ESRRG: variants seen among roughly 807,000 people sequenced by gnomAD.
The protein encoded by ESRRG is estrogen-related receptor gamma.
Under a neutral mutation model 44.0 loss-of-function variants are expected in ESRRG, and 13 were observed. That is an observed-to-expected ratio of 0.30 (90% CI 0.19 to 0.47). The LOEUF (loss-of-function observed/expected upper bound fraction) is 0.47. Ranked by LOEUF, ESRRG falls within the 20% of genes least tolerant of loss-of-function variation. The pLI, the probability that ESRRG is intolerant of heterozygous loss-of-function variation, is 1.00. For missense variants in ESRRG, 395 were observed against 580.6 expected, an observed-to-expected ratio of 0.68 and a Z score of 3.29; for synonymous variants, 215 against 214.6, an observed-to-expected ratio of 1.00 and a Z score of -0.02.
intron 1 of ESRRG, among the ~76,000 whole-genome samples, chr1:216,680,946 A>G (rs2076936614): frequency 6.6e-6 from 1 of 152,322 alleles, no homozygotes; most frequent in African/African-American, 2.4e-5. Context: ...TGTCAGAAAG[A>G]GCCATTTTCA....
chr1:217,116,040 A>T (rs1404004851), intron 1 of ESRRG, among the ~76,000 whole-genome samples: 3 of 152,220 alleles, frequency 2.0e-5, no homozygotes, highest in Non-Finnish European at 4.4e-5. Flanking sequence ...AATTTTTATC[A>T]TAAGTAGATG....
intron 2 of ESRRG, among the ~76,000 whole-genome samples, chr1:216,814,529 A>G (rs758466259): frequency 6.6e-6 from 1 of 151,702 alleles, no homozygotes; most frequent in Non-Finnish European, 1.5e-5. Context: ...TAGAAGCAGC[A>G]TAAAGATTTC....
intron 1 of ESRRG, among the ~76,000 whole-genome samples, chr1:217,015,887 G>C (rs1258374955): frequency 2.0e-5 from 3 of 151,888 alleles, no homozygotes; most frequent in Non-Finnish European, 2.9e-5. Flanking sequence ...ATGCCACCAC[G>C]CCCGGCTATT....
chr1:216,900,093 A>C (rs1382683583), intron 2 of ESRRG, among the ~76,000 whole-genome samples: 1 of 152,124 alleles, frequency 6.6e-6, no homozygotes, highest in Non-Finnish European at 1.5e-5. Context: ...AAGAAATCCA[A>C]ATTAGTGATT....
intron 1 of ESRRG, among the ~76,000 whole-genome samples, chr1:217,126,987 A>C (rs2092900392): frequency 6.6e-6 from 1 of 152,244 alleles, no homozygotes. Flanking sequence ...CCTTTTGTGC[A>C]TAAAATAAGG....
At chr1:217,042,126 T>C (rs2083964897) in intron 1 of ESRRG, among the ~76,000 whole-genome samples, 1 of 152,224 alleles carries the variant, frequency 6.6e-6, no homozygotes, top group Admixed American at 6.5e-5. Context: ...TCTGCTTTGA[T>C]AAAATGTAGA....
At position 216,728,590 on chromosome 1, in the gene ESRRG, A is replaced by G. The variant is rs17041488; in HGVS notation, c.-13-51099T>C. Among the ~76,000 whole-genome samples the G allele has an allele frequency of 2.1e-3, 326 of 152,178 alleles. 9 individuals are homozygous for G. The East Asian group carries it at 0.059, about 27-fold the overall frequency. On this transcript the variant is annotated intron_variant, in intron 2 of 7. Coordinates refer to the ESRRG transcript ENST00000359162. ...CAGAATAAGCAATCCATGCTTTGATACCAGTAAAATGATCAAATTACCTAT... is the reference window on the plus strand; with the variant it reads ...CAGAATAAGCAATCCATGCTTTGATGCCAGTAAAATGATCAAATTACCTAT...
At chr1:216,674,412 A>G (rs1278913380) in intron 2 of ESRRG, among the ~76,000 whole-genome samples, 1 of 152,216 alleles carries the variant, frequency 6.6e-6, no homozygotes, top group Non-Finnish European at 1.5e-5. Context: ...TTTTGTAAGA[A>G]AATATCAATA....
intron 2 of ESRRG, among the ~76,000 whole-genome samples, chr1:216,838,233 C>T (rs890119662): frequency 9.9e-5 from 15 of 152,214 alleles, no homozygotes; most frequent in African/African-American, 3.6e-4. Context: ...TCCTATCATA[C>T]ATTCTCAATA....
At chr1:216,539,146 G>A (rs188568524) in intron 5 of ESRRG, among the ~76,000 whole-genome samples, 4 of 151,988 alleles carry the variant, frequency 2.6e-5, no homozygotes, top group Non-Finnish European at 5.9e-5. Flanking sequence ...TCAGATCTTT[G>A]GAGGGATTGC....
At chr1:217,016,341 T>A (rs1223342026) in intron 1 of ESRRG, among the ~76,000 whole-genome samples, 1 of 152,110 alleles carries the variant, frequency 6.6e-6, no homozygotes, top group Non-Finnish European at 1.5e-5. Context: ...TGAGCTAGAA[T>A]TTGGCTCTCA....
Position 216,551,890 on chromosome 1 carries a change from T to C in ESRRG, c.862+12329A>G, listed in dbSNP as rs1225398354. Among the ~76,000 whole-genome samples the C allele has an allele frequency of 3.9e-5, 6 of 152,312 alleles. No individual in the cohort carries two copies. The East Asian group carries it at 1.2e-3, about 29-fold the overall frequency. Reference sequence around the variant, plus strand: ...TCTGCATCAAGATCCTTGGCAGTTGTTCCATCAACCAAACTCTCGGCCACT... The same window carrying C: ...TCTGCATCAAGATCCTTGGCAGTTGCTCCATCAACCAAACTCTCGGCCACT... On this transcript the variant is annotated intron_variant, in intron 5 of 6. Transcript: ENST00000408911.
rs571457003 is a variant in ESRRG, at chr1:216,695,179, C to A, written c.57-17688G>T. Among the ~76,000 whole-genome samples, 18 of 151,978 alleles carry A rather than the reference C, an allele frequency of 1.2e-4. No homozygotes were observed. The East Asian group carries it at 3.5e-3, about 29-fold the overall frequency. ...ATAATAATTAGTCAAGCTACAATTTCTTTGACAAAGTACGATTTTTAATAT... is the reference window on the plus strand; with the variant it reads ...ATAATAATTAGTCAAGCTACAATTTATTTGACAAAGTACGATTTTTAATAT... On this transcript the variant is annotated intron_variant, in intron 1 of 6. Coordinates refer to ENST00000408911, the MANE Select transcript of ESRRG (RefSeq NM_001438.4).
intron 5 of ESRRG, among the ~76,000 whole-genome samples, chr1:216,563,374 A>G (rs575945948): frequency 1.3e-5 from 2 of 152,308 alleles, no homozygotes; most frequent in African/African-American, 4.8e-5. Flanking sequence ...ATGACCAATA[A>G]ATTGGTTTCA....
At chr1:216,565,175 A>T (rs1160733680) in intron 4 of ESRRG, among the ~76,000 whole-genome samples, 1 of 152,208 alleles carries the variant, frequency 6.6e-6, no homozygotes. Context: ...TTCAAAAAAT[A>T]AACACTAGAG....
intron 3 of ESRRG, among the ~76,000 whole-genome samples, chr1:216,644,911 T>C (rs770382365): frequency 2.0e-5 from 3 of 152,206 alleles, no homozygotes; most frequent in Non-Finnish European, 2.9e-5. Context: ...CCTACTGCTG[T>C]CAATATTTTT....
At chr1:216,869,390 T>C (rs1193588287) in intron 2 of ESRRG, among the ~76,000 whole-genome samples, 1 of 152,158 alleles carries the variant, frequency 6.6e-6, no homozygotes, top group Non-Finnish European at 1.5e-5. Flanking sequence ...TATTTCTGGA[T>C]TCTTGTTGAG....
rs187723660 is a variant in ESRRG, at chr1:217,122,756, C to T, written c.-230+14911G>A. Among the ~76,000 whole-genome samples, 54 of 150,992 alleles carry T rather than the reference C, an allele frequency of 3.6e-4. 1 individual carries two copies. The highest frequency in any genetic ancestry group is 2.5e-3 in the East Asian group (13 of 5,154). ...CTCGATCTCAGCTCACTGCAACCTC[C>T]GCCTCCTGAGTTCAAGTGATTCTCC... On this transcript the variant is annotated intron_variant, in intron 1 of 8. Coordinates refer to the ESRRG transcript ENST00000366940.
chr1:216,633,217 A>G (rs1266126962), intron 3 of ESRRG, among the ~76,000 whole-genome samples: 1 of 152,202 alleles, frequency 6.6e-6, no homozygotes, highest in African/African-American at 2.4e-5. Context: ...CCAGGCAGCA[A>G]GAGCTCCTGA....
Sources: allele counts gnomAD v4.1 joint callset (sites outside exome capture counted in the v4.1 genomes callset), GRCh38; gene constraint gnomAD v4.1.1; transcripts MANE v1.5; gene names NCBI Gene and HGNC (gene_info 2026-07-23, HGNC 2026-07-21).